NARS2: variants seen among roughly 807,000 people sequenced by gnomAD.
NARS2 encodes asparaginyl-tRNA synthetase 2, mitochondrial.
A neutral mutation model predicts 62.9 loss-of-function variants in NARS2; 60 were observed. The ratio of observed to expected loss-of-function variants is 0.95; its 90% CI spans 0.77 to 1.18. The LOEUF (loss-of-function observed/expected upper bound fraction) is 1.18. NARS2 is among the 50% of genes most tolerant of loss of function. NARS2 has a pLI of 0.00. For missense variants in NARS2, 619 were observed against 576.4 expected, an observed-to-expected ratio of 1.07 and a Z score of -0.76; for synonymous variants, 196 against 200.0, an observed-to-expected ratio of 0.98 and a Z score of 0.17.
In NARS2 at chr11:78,526,229, T is replaced by A. The variant is rs1861288893; in HGVS notation, c.689+2613A>T. On this transcript the variant is annotated intron_variant, in intron 6 of 13. Coordinates refer to ENST00000281038, the MANE Select transcript of NARS2 (RefSeq NM_024678.6). ...AGAGAATACACAAAACTATGCATTA[T>A]CTTTTCAACTTTCTATATATTAAAA... 4.6e-5 allele frequency among the ~76,000 whole-genome samples: 7 copies of A among 152,204 alleles called. No individual in the cohort carries two copies. In the South Asian group the frequency reaches 1.4e-3, roughly 31 times the overall value.
chr11:78,468,112 C>A (rs932018806), intron 10 of NARS2, among the ~76,000 whole-genome samples: 1 of 150,418 alleles, frequency 6.6e-6, no homozygotes, highest in Non-Finnish European at 1.5e-5. Flanking sequence ...ACTTGGCAGG[C>A]TGAAGTGGCG....
rs116563624 is a variant in NARS2 at position 78,516,366 on chromosome 11, T to C, written c.689+12476A>G. The stretch of plus-strand genomic sequence containing the variant: ...AATCTACATCAAATATAACAGCCAA[T>C]GGTCATTAAACATGAATGACATTTA... On this transcript the variant is annotated intron_variant, in intron 6 of 13. Coordinates refer to ENST00000281038, the MANE Select transcript of NARS2 (RefSeq NM_024678.6). Among the ~76,000 whole-genome samples, 1,437 of 152,356 alleles carry C rather than the reference T, an allele frequency of 9.4e-3. 22 individuals are homozygous for C. The highest frequency in any genetic ancestry group is 0.033 in the African/African-American group (1,389 of 41,582).
At chr11:78,464,461 C>T (rs184597223) in intron 11 of NARS2, among the ~76,000 whole-genome samples, 6 of 152,218 alleles carry the variant, frequency 3.9e-5, no homozygotes, top group South Asian at 2.1e-4. Context: ...TTTGACAGGG[C>T]GCTGATTGGT....
chr11:78,563,006 T>C (rs1468186970), intron 4 of NARS2, among the ~76,000 whole-genome samples: 5 of 152,174 alleles, frequency 3.3e-5, no homozygotes, highest in Middle Eastern at 3.4e-3. Flanking sequence ...ATATGCCTTA[T>C]AGTACTACAG....
At chr11:78,448,121 T>C (rs552468265) in intron 11 of NARS2, among the ~76,000 whole-genome samples, 1 of 152,292 alleles carries the variant, frequency 6.6e-6, no homozygotes, top group South Asian at 2.1e-4. Flanking sequence ...TCATACCACA[T>C]TGTATACACA....
intron 11 of NARS2, among the ~76,000 whole-genome samples, chr11:78,452,527 C>T (rs145786626): frequency 4.8e-4 from 73 of 152,206 alleles, no homozygotes; most frequent in African/African-American, 1.5e-3. Flanking sequence ...CCTAACTCAG[C>T]CTCTCTGAGT....
In NARS2 at chr11:78,476,007, T is replaced by C. The variant is rs189735863; in HGVS notation, c.959+2431A>G. 1.5e-3 allele frequency among the ~76,000 whole-genome samples: 234 copies of C among 152,356 alleles called. 1 individual carries two copies. Among genetic ancestry groups the C allele is most frequent in the Admixed American group, 5.4e-3 (83 of 15,302 alleles). ...TGTTGGACACTTTTTGATAAACCTA[T>C]TGGCCATCTGTATCTTACACAAATG... On this transcript the variant is annotated intron_variant, in intron 9 of 13. Coordinates refer to ENST00000281038, the MANE Select transcript of NARS2 (RefSeq NM_024678.6).
intron 5 of NARS2, among the ~76,000 whole-genome samples, chr11:78,540,501 C>T (rs1420032799): frequency 6.6e-6 from 1 of 152,172 alleles, no homozygotes; most frequent in African/African-American, 2.4e-5. Context: ...TTGACCTCTA[C>T]AATCACTGAA....
chr11:78,535,380 A>G (rs1861633920), intron 5 of NARS2, among the ~76,000 whole-genome samples: 1 of 152,268 alleles, frequency 6.6e-6, no homozygotes, highest in Non-Finnish European at 1.5e-5. Flanking sequence ...ATAAAAGAAT[A>G]TAAAAAACAT....
chr11:78,453,456 A>G (rs1247270055), intron 11 of NARS2, among the ~76,000 whole-genome samples: 1 of 149,792 alleles, frequency 6.7e-6, no homozygotes, highest in Non-Finnish European at 1.5e-5. Context: ...ACCCTGAATT[A>G]AAAAAAAAAC....
chr11:78,489,898 T>C (rs922546313), intron 7 of NARS2, among the ~76,000 whole-genome samples: 4 of 151,898 alleles, frequency 2.6e-5, no homozygotes, highest in African/African-American at 9.7e-5. Context: ...CTATAAAAAA[T>C]TTAAAAAATA....
At chr11:78,505,044 T>G (rs1289239838) in intron 6 of NARS2, among the ~76,000 whole-genome samples, 1 of 151,510 alleles carries the variant, frequency 6.6e-6, no homozygotes, top group Non-Finnish European at 1.5e-5. Context: ...ACAGGTAAAT[T>G]TTTACAATTT....
At chr11:78,491,483 C>G (rs1378484980) in intron 7 of NARS2, among the ~76,000 whole-genome samples, 2 of 152,228 alleles carry the variant, frequency 1.3e-5, no homozygotes, top group Non-Finnish European at 2.9e-5. Flanking sequence ...CAGGAACTGT[C>G]GAGACCCAAA....
intron 6 of NARS2, among the ~76,000 whole-genome samples, chr11:78,519,915 G>C (rs971901382): frequency 1.3e-5 from 2 of 151,966 alleles, no homozygotes; most frequent in African/African-American, 4.8e-5. Flanking sequence ...GGATGGTCTC[G>C]ATCTCCTGAC....
chr11:78,561,532 C>T (rs907412634), intron 4 of NARS2, among the ~76,000 whole-genome samples: 6 of 152,198 alleles, frequency 3.9e-5, no homozygotes, highest in Non-Finnish European at 5.9e-5. Context: ...TATTTTAATA[C>T]ACATTCTAAA....
chr11:78,462,690 A>AC lies in NARS2; in HGVS notation c.1164+3185_1164+3186insG, dbSNP rs1858445451. Among the ~76,000 whole-genome samples, 8 of 152,340 alleles carry AC rather than the reference A, an allele frequency of 5.3e-5. No homozygotes were observed. The South Asian group carries it at 1.7e-3, about 32-fold the overall frequency. ...TTTTTCATTTATAAAATGGGGAAAC[A>AC]AGCTTCTAAGCAAAGTTGTTTCTGG... On this transcript the variant is annotated intron_variant, in intron 11 of 13. Transcript: ENST00000281038.
intron 11 of NARS2, among the ~76,000 whole-genome samples, chr11:78,461,262 C>G (rs902857208): frequency 6.6e-6 from 1 of 151,976 alleles, no homozygotes; most frequent in Non-Finnish European, 1.5e-5. Context: ...AAATAAAGAC[C>G]ACCAAGGACT....
At chr11:78,541,357 G>T (rs1855612743) in intron 5 of NARS2, among the ~76,000 whole-genome samples, 3 of 149,810 alleles carry the variant, frequency 2.0e-5, no homozygotes, top group African/African-American at 7.4e-5. Context: ...TTGAGATAAG[G>T]TCTTGCTATG....
At chr11:78,521,059 C>CAAA (rs1254790630) in intron 6 of NARS2, among the ~76,000 whole-genome samples, 5 of 139,214 alleles carry the variant, frequency 3.6e-5, no homozygotes, top group African/African-American at 1.1e-4. Context: ...ACTCTGTCTC[C>CAAA]AAAAAAAAAA....
Sources: gnomAD v4.1 joint callset for allele counts (sites outside exome capture counted in the v4.1 genomes callset) on GRCh38, gnomAD v4.1.1 for gene constraint, MANE v1.5 for transcripts, NCBI Gene and HGNC (gene_info 2026-07-23, HGNC 2026-07-21) for gene names.